The following SKAP1 variants were observed in gnomAD, a reference collection of about 807,000 sequenced individuals.
SKAP1 encodes src kinase-associated phosphoprotein 1.
A neutral mutation model predicts 58.5 loss-of-function variants in SKAP1; 44 were observed. That is an observed-to-expected ratio of 0.75 (90% CI 0.59 to 0.97). The LOEUF is 0.97. SKAP1 is among the 50% of genes least tolerant of loss of function. The pLI, the probability that SKAP1 is intolerant of heterozygous loss-of-function variation, is 0.00. For synonymous variants in SKAP1, 127 were observed against 149.7 expected (o/e 0.85, Z 1.11); for missense variants, 390 against 435.2 (o/e 0.90, Z 0.92).
intron 4 of SKAP1, among the ~76,000 whole-genome samples, chr17:48,332,627 A>G (rs2144272748): frequency 6.6e-6 from 1 of 152,294 alleles, no homozygotes; most frequent in South Asian, 2.1e-4. Flanking sequence ...TCAAGATGCC[A>G]CATTTTAAAA....
At chr17:48,331,846 G>A (rs1173930311) in intron 4 of SKAP1, among the ~76,000 whole-genome samples, 1 of 152,120 alleles carries the variant, frequency 6.6e-6, no homozygotes, top group African/African-American at 2.4e-5. Flanking sequence ...TAAGGAAGGA[G>A]AAAATATGTT....
chr17:48,162,016 A>T (rs149421217), intron 11 of SKAP1, among the ~76,000 whole-genome samples: 4,121 of 151,890 alleles, frequency 0.027, 175 homozygotes, highest in African/African-American at 0.092. Flanking sequence ...GCCAGGCTGG[A>T]GTGCAGTGGC....
At chr17:48,280,369 C>T (rs895534173) in intron 4 of SKAP1, among the ~76,000 whole-genome samples, 1 of 151,926 alleles carries the variant, frequency 6.6e-6, no homozygotes, top group South Asian at 2.1e-4. Context: ...ACTTGGGAGG[C>T]TGAGGCAGGA....
At chr17:48,145,341 A>C (rs1053090179) in intron 11 of SKAP1, among the ~76,000 whole-genome samples, 2 of 151,966 alleles carry the variant, frequency 1.3e-5, no homozygotes, top group Admixed American at 6.6e-5. Flanking sequence ...CGCAGCGCTC[A>C]CCATCAGCAA....
chr17:48,134,079 C>A (rs1385675898), intron 12 of SKAP1, among the ~76,000 whole-genome samples: 2 of 152,084 alleles, frequency 1.3e-5, no homozygotes, highest in African/African-American at 4.8e-5. Context: ...TTTAAACTTA[C>A]CAACATATTT....
chr17:48,352,082 G>GAA (rs1159148144), intron 3 of SKAP1, among the ~76,000 whole-genome samples: 126 of 114,462 alleles, frequency 1.1e-3, no homozygotes, highest in Middle Eastern at 5.0e-3. Context: ...CAAGAAAAGA[G>GAA]AAAAAAAAAA....
At chr17:48,270,443 A>G (rs1160354527) in intron 4 of SKAP1, among the ~76,000 whole-genome samples, 2 of 152,080 alleles carry the variant, frequency 1.3e-5, no homozygotes, top group African/African-American at 4.8e-5. Context: ...TCCCGGGTTC[A>G]AGCGATTCTC....
chr17:48,253,660 T>C (rs1055381434), intron 4 of SKAP1, among the ~76,000 whole-genome samples: 2 of 152,080 alleles, frequency 1.3e-5, no homozygotes, highest in African/African-American at 2.4e-5. Context: ...CTGTGTTCTG[T>C]AATAGACCTC....
rs950655347 is a variant in SKAP1 at position 48,396,789 on chromosome 17, A to C, written c.47-4T>G. 5 of 1,601,760 alleles carry C rather than the reference A, an allele frequency of 3.1e-6. No individual in the cohort carries two copies. Among genetic ancestry groups the C allele is most frequent in the Non-Finnish European group, 4.3e-6 (5 of 1,170,000 alleles). Reference sequence around the variant, plus strand: ...TCTGCCAGAAACTCTTCAGCATCTAAAAGAAAAGGAAAGTTGATAAAACAG... The same window carrying C: ...TCTGCCAGAAACTCTTCAGCATCTACAAGAAAAGGAAAGTTGATAAAACAG... On this transcript the variant is annotated splice_polypyrimidine_tract_variant and splice_region_variant and intron_variant, in intron 1 of 12. Coordinates refer to ENST00000336915, the MANE Select transcript of SKAP1 (RefSeq NM_003726.4).
chr17:48,407,060 C>T (rs2067595537), intron 1 of SKAP1, among the ~76,000 whole-genome samples: 1 of 152,100 alleles, frequency 6.6e-6, no homozygotes, highest in South Asian at 2.1e-4. Context: ...AAAGAGTAAA[C>T]AAACCCCTCT....
intron 3 of SKAP1, among the ~76,000 whole-genome samples, chr17:48,350,176 T>C (rs1313533532): frequency 6.6e-6 from 1 of 151,838 alleles, no homozygotes; most frequent in Admixed American, 6.6e-5. Flanking sequence ...ACCAGAGAAA[T>C]GAGAAAGAAA....
At chr17:48,141,373 G>GGTTTTGGTTTTT (rs2063765882) in intron 11 of SKAP1, among the ~76,000 whole-genome samples, 1 of 148,644 alleles carries the variant, frequency 6.7e-6, no homozygotes, top group African/African-American at 2.5e-5. Context: ...CTTGTTAACT[G>GGTTTTGGTTTTT]GTTTTTGTTT....
chr17:48,314,675 A>G (rs2066266626), intron 4 of SKAP1, among the ~76,000 whole-genome samples: 1 of 152,166 alleles, frequency 6.6e-6, no homozygotes, highest in Non-Finnish European at 1.5e-5. Flanking sequence ...GGTTCCCACA[A>G]TGTTGGGCCA....
intron 4 of SKAP1, among the ~76,000 whole-genome samples, chr17:48,212,865 C>T (rs558456586): frequency 9.9e-5 from 15 of 152,236 alleles, no homozygotes; most frequent in African/African-American, 2.9e-4. Flanking sequence ...GCTAAGGAGA[C>T]GAAGGTGACC....
the SKAP1 span, among the ~76,000 whole-genome samples, chr17:48,443,116 C>G: frequency 6.6e-6 from 1 of 152,174 alleles, no homozygotes; most frequent in Admixed American, 6.5e-5. Context: ...CTTCACCCAG[C>G]TAACTCCTAC....
At chr17:48,196,294 G>C (rs1210835039) in intron 4 of SKAP1, among the ~76,000 whole-genome samples, 1 of 152,152 alleles carries the variant, frequency 6.6e-6, no homozygotes, top group Non-Finnish European at 1.5e-5. Context: ...AGAAGAAACA[G>C]GCATGATGTG....
intron 4 of SKAP1, among the ~76,000 whole-genome samples, chr17:48,201,883 A>T (rs1381091685): frequency 6.6e-6 from 1 of 152,202 alleles, no homozygotes; most frequent in Non-Finnish European, 1.5e-5. Context: ...TGAGCTATAG[A>T]CTTTGAGTGG....
chr17:48,157,249 T>G (rs1028088264), intron 11 of SKAP1, among the ~76,000 whole-genome samples: 4 of 152,020 alleles, frequency 2.6e-5, no homozygotes, highest in Non-Finnish European at 5.9e-5. Context: ...TTTTTTTTTT[T>G]TTTTGAGACG....
chr17:48,262,170 A>C (rs1313773259), intron 4 of SKAP1, among the ~76,000 whole-genome samples: 1 of 152,204 alleles, frequency 6.6e-6, no homozygotes, highest in Non-Finnish European at 1.5e-5. Flanking sequence ...AGGGTTGGAG[A>C]GAATCATCCA....
Sources: allele counts gnomAD v4.1 joint callset (sites outside exome capture counted in the v4.1 genomes callset), GRCh38; gene constraint gnomAD v4.1.1; transcripts MANE v1.5; gene names NCBI Gene and HGNC (gene_info 2026-07-23, HGNC 2026-07-21).